DYNC2LI1: variants seen among roughly 807,000 people sequenced by gnomAD.
DYNC2LI1 encodes the protein cytoplasmic dynein 2 light intermediate chain 1.
Under a neutral mutation model 51.9 loss-of-function variants are expected in DYNC2LI1, and 45 were observed. That is an observed-to-expected ratio of 0.87 (90% confidence interval 0.68 to 1.11). The LOEUF is 1.11. Ranked by LOEUF, DYNC2LI1 falls within the 50% of genes most tolerant of loss-of-function variation. DYNC2LI1 has a pLI of 0.00. For synonymous variants in DYNC2LI1, 130 were observed against 137.8 expected (o/e 0.94, Z 0.40); for missense variants, 490 against 417.4 (o/e 1.17, Z -1.51).
chr2:43,792,991 C>T, intron 5 of DYNC2LI1: 1 of 463,062 alleles, frequency 2.2e-6, no homozygotes, highest in Non-Finnish European at 3.5e-6. Context: ...TAAATCTCTT[C>T]CTTCAGTTCT....
chr2:43,780,390 A>C (rs1448881856), intron 2 of DYNC2LI1, among the ~76,000 whole-genome samples: 1 of 152,124 alleles, frequency 6.6e-6, no homozygotes, highest in African/African-American at 2.4e-5. Flanking sequence ...GTAGCTGAAA[A>C]GGTAAGGGAG....
intron 6 of DYNC2LI1, 55 bp from the exon 7 acceptor site, chr2:43,795,835 T>C (rs1386926839): frequency 1.5e-6 from 2 of 1,367,462 alleles, no homozygotes; most frequent in Non-Finnish European, 1.0e-6. Flanking sequence ...TAGAAATTGC[T>C]AAGCACCTAG....
At chr2:43,800,476 A>C (rs530769563) in intron 8 of DYNC2LI1, among the ~76,000 whole-genome samples, 4 of 152,048 alleles carry the variant, frequency 2.6e-5, no homozygotes, top group East Asian at 3.8e-4. Flanking sequence ...ATTTTGGAAA[A>C]TTTTCTTTTA....
Position 43,776,826 on chromosome 2 carries a change from G to GA in DYNC2LI1, c.55dup (p.Ile19AsnfsTer2), listed in dbSNP as rs1673048561. 2 of 1,601,006 alleles carry GA rather than the reference G, an allele frequency of 1.2e-6. No homozygotes were observed. Among genetic ancestry groups the GA allele is most frequent in the Admixed American group, 3.4e-5 (2 of 58,236 alleles). On this transcript the variant is annotated frameshift_variant, in exon 2 of 13. Coordinates refer to ENST00000260605, the MANE Select transcript of DYNC2LI1 (RefSeq NM_016008.4). LOFTEE classifies it high-confidence loss of function. ...GCAAAAGCTGAAGTGGAAAAAAGGGGAATTAATGGAAGTGAAGGTGATGGA... is the reference window on the plus strand; with the variant it reads ...GCAAAAGCTGAAGTGGAAAAAAGGGGAAATTAATGGAAGTGAAGGTGATGGA...
the DYNC2LI1 span, among the ~76,000 whole-genome samples, chr2:43,821,856 A>C: frequency 1.3e-5 from 2 of 150,386 alleles, no homozygotes; most frequent in African/African-American, 2.5e-5. Context: ...CATCATCTCT[A>C]TTTTTCATTC....
At chr2:43,780,012 GA>G (rs1433165141) in intron 2 of DYNC2LI1, among the ~76,000 whole-genome samples, 1 of 152,164 alleles carries the variant, frequency 6.6e-6, no homozygotes, top group East Asian at 1.9e-4. Flanking sequence ...TGATTGTAAT[GA>G]TAAACTATGG....
chr2:43,787,031 T>C (rs1673555478), intron 3 of DYNC2LI1, 150 bp from the exon 4 acceptor site: 1 of 545,998 alleles, frequency 1.8e-6, no homozygotes, highest in Non-Finnish European at 3.2e-6. Flanking sequence ...TTATTTCTTT[T>C]GTGAATATAA....
intron 2 of DYNC2LI1, among the ~76,000 whole-genome samples, chr2:43,778,448 CT>C (rs1281679190): frequency 6.6e-6 from 1 of 152,174 alleles, no homozygotes; most frequent in Non-Finnish European, 1.5e-5. Context: ...GTCACCGCCC[CT>C]GGCTACGCAT....
downstream of DYNC2LI1, among the ~76,000 whole-genome samples, chr2:43,811,511 A>G (rs933015414): frequency 6.6e-6 from 1 of 152,194 alleles, no homozygotes; most frequent in African/African-American, 2.4e-5. Context: ...AAGTTACCAT[A>G]GTAACACTGA....
chr2:43,811,545 C>T (rs1263991147), downstream of DYNC2LI1, among the ~76,000 whole-genome samples: 3 of 152,042 alleles, frequency 2.0e-5, no homozygotes, highest in East Asian at 5.8e-4. Context: ...CAGGTTTGTA[C>T]ATGGAATTAC....
downstream of DYNC2LI1, among the ~76,000 whole-genome samples, chr2:43,812,285 A>C (rs1666518695): frequency 6.7e-6 from 1 of 149,086 alleles, no homozygotes; most frequent in Non-Finnish European, 1.5e-5. Context: ...GTTATTTCTC[A>C]GTGCATATAC....
chr2:43,813,777 G>A (rs1572737507), downstream of DYNC2LI1, among the ~76,000 whole-genome samples: 1 of 138,562 alleles, frequency 7.2e-6, no homozygotes, highest in South Asian at 2.3e-4. Flanking sequence ...GAGTGCAGTG[G>A]CTCGATCTGG....
downstream of DYNC2LI1, among the ~76,000 whole-genome samples, chr2:43,811,304 A>G (rs73923897): frequency 1.1e-3 from 161 of 152,350 alleles, 1 homozygote; most frequent in African/African-American, 3.7e-3. Context: ...AATTGACAAT[A>G]CTAGTCTGAT....
intron 4 of DYNC2LI1, 113 bp downstream of exon 4, chr2:43,787,363 A>G (rs897670090): frequency 3.6e-6 from 3 of 827,192 alleles, no homozygotes; most frequent in Admixed American, 4.9e-5. Context: ...CCAGTTGTAC[A>G]CTTCGTAGCT....
At position 43,804,701 on chromosome 2, in the gene DYNC2LI1, T is replaced by A; in HGVS notation, c.862T>A (p.Leu288Met). The stretch of plus-strand genomic sequence containing the variant: ...GCTTCATGCCCACTCACCTATGGAG[T>A]TGTGGAAAAAAGTGTATGAAAAGCT... The part of the protein sequence containing the change: ...GKLHAHSPME[L>M]WKKVYEKLFP... The change falls in exon 11 of 13, where the codon TTG becomes ATG. Residue 288 changes from leucine to methionine, a missense_variant. Physicochemically the swap from Leu to Met is conservative, Grantham distance 15. Transcript: ENST00000260605. 2 of 1,605,090 alleles carry A rather than the reference T, an allele frequency of 1.2e-6. No homozygotes were observed. Among genetic ancestry groups the A allele is most frequent in the African/African-American group, 1.3e-5 (1 of 74,520 alleles).
rs773259140 is a variant in DYNC2LI1 at position 43,800,814 on chromosome 2, T to A, written c.655-27T>A. Reference sequence around the variant, plus strand: ...TTCTGTGATTGGAAAATAGAGCATGTAATTTGTTCTCCTGATTTGTTTAAA... The same window carrying A: ...TTCTGTGATTGGAAAATAGAGCATGAAATTTGTTCTCCTGATTTGTTTAAA... On this transcript the variant is annotated intron_variant, in intron 8 of 12. Coordinates refer to ENST00000260605, the MANE Select transcript of DYNC2LI1 (RefSeq NM_016008.4). The A allele has an allele frequency of 6.8e-6, 9 of 1,318,530 alleles. No homozygotes were observed. In the South Asian group the frequency reaches 1.2e-4, roughly 18 times the overall value. The allele number at this position is 1,318,530 out of a possible 1,614,324, so 81.7% of individuals were successfully genotyped here.
chr2:43,805,347 G>A (rs1425908418), intron 12 of DYNC2LI1, 101 bp downstream of exon 12: 10 of 636,848 alleles, frequency 1.6e-5, no homozygotes, highest in Non-Finnish European at 2.2e-5. Context: ...TTTACTTAGA[G>A]TATCTTCTTT....
chr2:43,800,850 A>G lies in DYNC2LI1; in HGVS notation c.664A>G (p.Lys222Glu). ...YYGASLMFTS[K>E]SEALLLKIRG... Reference sequence around the variant, plus strand: ...CCTGATTTGTTTAAAGTTTACCAGTAAATCAGAAGCTCTATTACTAAAAAT... The same window carrying G: ...CCTGATTTGTTTAAAGTTTACCAGTGAATCAGAAGCTCTATTACTAAAAAT... The change falls in exon 9 of 13, where the codon AAA (lysine) becomes GAA (glutamate). Residue 222 changes from lysine (K) to glutamate (E), a missense_variant. By Grantham distance (56) the Lys-to-Glu change is moderately conservative. Coordinates refer to ENST00000260605, the MANE Select transcript of DYNC2LI1 (RefSeq NM_016008.4). 6.3e-7 allele frequency: 1 copy of G among 1,590,042 alleles called. No individual in the cohort carries two copies. The highest frequency in any genetic ancestry group is 1.1e-5 in the South Asian group (1 of 87,572).
At chr2:43,779,989 T>C (rs536243635) in intron 2 of DYNC2LI1, among the ~76,000 whole-genome samples, 4 of 152,220 alleles carry the variant, frequency 2.6e-5, no homozygotes, top group African/African-American at 9.6e-5. Flanking sequence ...GCATGAATGG[T>C]ATTTAACAGA....
Sources: gnomAD v4.1 joint callset for allele counts (sites outside exome capture counted in the v4.1 genomes callset) on GRCh38, gnomAD v4.1.1 for gene constraint, MANE v1.5 for transcripts, NCBI Gene and HGNC (gene_info 2026-07-23, HGNC 2026-07-21) for gene names.